UBR4: variants seen among roughly 807,000 people sequenced by gnomAD.
UBR4 encodes ubiquitin protein ligase E3 component n-recognin 4.
A neutral mutation model predicts 575.6 loss-of-function variants in UBR4; 124 were observed. The ratio of observed to expected loss-of-function variants is 0.22; its 90% confidence interval spans 0.19 to 0.25. The LOEUF is 0.25. Ranked by LOEUF, UBR4 falls within the 10% of genes least tolerant of loss-of-function variation. UBR4 has a pLI of 1.00. For synonymous variants in UBR4, 2,455 were observed against 2,473.7 expected, an observed-to-expected ratio of 0.99 and a Z score of 0.22; for missense variants, 4,818 against 6,478.8, an observed-to-expected ratio of 0.74 and a Z score of 8.80.
chr1:19,098,815 T>C (rs1395617054), intron 90 of UBR4, among the ~76,000 whole-genome samples: 1 of 152,238 alleles, frequency 6.6e-6, no homozygotes, highest in African/African-American at 2.4e-5. Flanking sequence ...GGACCAAGTC[T>C]AGAAAAGTTT....
intron 68 of UBR4, among the ~76,000 whole-genome samples, chr1:19,120,613 C>T (rs1046704460): frequency 2.6e-5 from 4 of 152,182 alleles, no homozygotes; most frequent in African/African-American, 9.7e-5. Context: ...ACACTAAAAA[C>T]CACAGGATAA....
intron 48 of UBR4, 113 bp from the exon 49 acceptor site, chr1:19,150,906 A>T: frequency 2.0e-6 from 2 of 1,006,918 alleles, no homozygotes; most frequent in Non-Finnish European, 3.0e-6. Flanking sequence ...TTTTATAGAC[A>T]TAGAGAAACT....
At position 19,139,226 on chromosome 1, in the gene UBR4, A is replaced by G; in HGVS notation, c.8594-6T>C. 1 of 1,599,262 alleles carries G rather than the reference A, an allele frequency of 6.3e-7. No individual in the cohort carries two copies. Among genetic ancestry groups the G allele is most frequent in the East Asian group, 2.2e-5 (1 of 44,676 alleles). ...CTCGTCGTCTGAGGCTGGAGCTGAG[A>G]GAGTAACGAGAGCTGTTACAGGTTA... On this transcript the variant is annotated splice_region_variant and splice_polypyrimidine_tract_variant and intron_variant, in intron 58 of 105. Transcript: ENST00000375254. The surrounding 1 kb of genome is among the most constrained non-coding windows in gnomAD (Gnocchi z 4.2).
chr1:19,083,932 C>T (rs1214096413), intron 102 of UBR4, among the ~76,000 whole-genome samples: 2 of 152,218 alleles, frequency 1.3e-5, no homozygotes, highest in Non-Finnish European at 2.9e-5. Flanking sequence ...TGTCGGTTGA[C>T]TTTCCCAGAT....
intron 57 of UBR4, 150 bp downstream of exon 57, chr1:19,141,197 T>G: frequency 3.7e-6 from 4 of 1,083,834 alleles, no homozygotes; most frequent in Non-Finnish European, 5.2e-6. Context: ...TCCCTCTCAC[T>G]CTCCACCTGT....
rs1179014123 is a variant in UBR4 at position 19,086,790 on chromosome 1, G to A, written c.14576C>T (p.Thr4859Met). The change falls in exon 100 of 106, where the codon ACG (threonine) becomes ATG (methionine). Residue 4859 changes from threonine (T) to methionine (M), a missense_variant. Around this residue, in one of 29 missense-constraint regions of UBR4, gnomAD observed 196 missense variants for 386.8 expected, o/e 0.51. Coordinates refer to ENST00000375254, the MANE Select transcript of UBR4 (RefSeq NM_020765.3). ...PTKVLGIYTF[T>M]KRVALEEMEN... is the part of the protein sequence containing the mutation. ...CATCTCCTCCAAGGCTACCCGCTTC[G>A]TGAAGGTATAAATGCCCAGGACCTT... The A allele has an allele frequency of 4.3e-6, 7 of 1,614,208 alleles. No homozygotes were observed. The highest frequency in any genetic ancestry group is 2.2e-5 in the East Asian group (1 of 44,882).
At position 19,150,461 on chromosome 1, in the gene UBR4, A is replaced by C. The variant is rs2085512055; in HGVS notation, c.7430+116T>G. 1.1e-5 allele frequency: 13 copies of C among 1,224,894 alleles called. 1 individual carries two copies. The highest frequency in any genetic ancestry group is 2.8e-4 in the Middle Eastern group (1 of 3,514). 75.9% of individuals were successfully genotyped at this position (1,224,894 alleles called of 1,614,324 possible). On this transcript the variant is annotated intron_variant, in intron 49 of 105. Coordinates refer to ENST00000375254, the MANE Select transcript of UBR4 (RefSeq NM_020765.3). ...GGGCGAGTTGTATGAAAACTTAAAAAAATTCCAGGCTAGCCTTGAGATGGT... is the reference window on the plus strand; with the variant it reads ...GGGCGAGTTGTATGAAAACTTAAAACAATTCCAGGCTAGCCTTGAGATGGT...
chr1:19,117,271 G>A lies in UBR4; in HGVS notation c.10773C>T (p.Asn3591=). 6.2e-7 allele frequency: 1 copy of A among 1,614,136 alleles called. No homozygotes were observed. The highest frequency in any genetic ancestry group is 8.5e-7 in the Non-Finnish European group (1 of 1,180,024). The change falls in exon 73 of 106, where the codon AAC becomes AAT. Residue 3591 remains asparagine, a synonymous_variant. Coordinates refer to ENST00000375254, the MANE Select transcript of UBR4 (RefSeq NM_020765.3). The surrounding 1 kb of genome is among the most constrained non-coding windows in gnomAD (Gnocchi z 4.0). ...LKRTKMVRTI[N]LYYNNRTVQA... ...GCACGGTTCGGTTGTTATAATACAG[G>A]TTGATGGTCCGCACCATCTTGGTCC...
chr1:19,102,732 C>T (rs1428726004), intron 87 of UBR4, among the ~76,000 whole-genome samples: 3 of 152,084 alleles, frequency 2.0e-5, no homozygotes, highest in Non-Finnish European at 4.4e-5. Context: ...GATAAAGCCC[C>T]GAATCCACTG....
At chr1:19,172,830 G>T in intron 25 of UBR4, 34 bp downstream of exon 25, 1 of 1,571,750 alleles carries the variant, frequency 6.4e-7, no homozygotes, top group Non-Finnish European at 8.8e-7. Flanking sequence ...AGTGAAGAGT[G>T]CATGTGCATC....
intron 105 of UBR4, 185 bp from the exon 106 acceptor site, chr1:19,075,081 G>A (rs1289424644): frequency 1.1e-4 from 70 of 635,572 alleles, no homozygotes; most frequent in Non-Finnish European, 1.6e-4. Context: ...CGCAGGAGGA[G>A]TCCTGTTCCA....
At chr1:19,113,370 A>C in intron 77 of UBR4, 1 of 333,354 alleles carries the variant, frequency 3.0e-6, no homozygotes, top group Non-Finnish European at 5.5e-6. Flanking sequence ...AGAAGAGGGA[A>C]CAGAATCTTG....
At chr1:19,137,889 T>C in intron 60 of UBR4, 118 bp downstream of exon 60, 1 of 1,151,214 alleles carries the variant, frequency 8.7e-7, no homozygotes, top group East Asian at 2.8e-5. Context: ...TACACCTTTA[T>C]ATTTCAAAAG....
intron 85 of UBR4, 175 bp downstream of exon 85, chr1:19,104,873 A>G: frequency 8.4e-7 from 1 of 1,185,560 alleles, no homozygotes; most frequent in Non-Finnish European, 1.2e-6. Context: ...AATGCTCCCA[A>G]GAGTTTGCTA....
chr1:19,191,947 C>A (rs1319470254), intron 11 of UBR4, among the ~76,000 whole-genome samples: 1 of 152,144 alleles, frequency 6.6e-6, no homozygotes, highest in African/African-American at 2.4e-5. Context: ...ATACACATTG[C>A]ACAGATATTT....
chr1:19,125,033 G>T (rs1308153811), intron 64 of UBR4, among the ~76,000 whole-genome samples: 1 of 152,076 alleles, frequency 6.6e-6, no homozygotes, highest in Non-Finnish European at 1.5e-5. Flanking sequence ...AAGAAAAAGG[G>T]AGTAAGGATC....
chr1:19,170,418 G>T (rs2089334106), intron 26 of UBR4, among the ~76,000 whole-genome samples: 1 of 152,136 alleles, frequency 6.6e-6, no homozygotes, highest in African/African-American at 2.4e-5. Flanking sequence ...GAAGAGAGTG[G>T]GGAGGGGAGG....
chr1:19,103,669 T>C (rs1264132364), intron 87 of UBR4, among the ~76,000 whole-genome samples: 3 of 152,136 alleles, frequency 2.0e-5, no homozygotes, highest in South Asian at 4.1e-4. Context: ...ATTGAACAAA[T>C]TGTCAAAAAT....
intron 97 of UBR4, among the ~76,000 whole-genome samples, chr1:19,090,849 C>G (rs942809294): frequency 6.6e-6 from 1 of 152,164 alleles, no homozygotes; most frequent in Non-Finnish European, 1.5e-5. Flanking sequence ...AATCCCAGCA[C>G]TTTGGGAGGC....
Sources: gnomAD v4.1 joint callset for allele counts (sites outside exome capture counted in the v4.1 genomes callset) on GRCh38, gnomAD v4.1.1 for gene constraint, gnomAD v4.1.1 regional missense constraint, Gnocchi (gnomAD v3.1) non-coding constraint, MANE v1.5 for transcripts, NCBI Gene and HGNC (gene_info 2026-07-23, HGNC 2026-07-21) for gene names.